The following FRYL variants were observed in gnomAD, a reference collection of about 807,000 sequenced individuals.
The protein encoded by FRYL is FRY like transcription coactivator.
In FRYL, 150 loss-of-function variants were observed where a neutral mutation model predicts 351.2. The observed-to-expected ratio is 0.43, with a 90% confidence interval of 0.37 to 0.49. The LOEUF is 0.49. FRYL is among the 20% of genes least tolerant of loss of function. The pLI, the probability that FRYL is intolerant of heterozygous loss-of-function variation, is 0.00. For missense variants in FRYL, 3,036 were observed against 3,619.3 expected, an observed-to-expected ratio of 0.84 and a Z score of 4.13; for synonymous variants, 1,153 against 1,257.1, an observed-to-expected ratio of 0.92 and a Z score of 1.75.
At position 48,556,971 on chromosome 4, in the gene FRYL, T is replaced by A. The variant is rs1734253165; in HGVS notation, c.4266+7A>T. 6.4e-7 allele frequency: 1 copy of A among 1,559,142 alleles called. No homozygotes were observed. The highest frequency in any genetic ancestry group is 8.7e-7 in the Non-Finnish European group (1 of 1,146,302). On this transcript the variant is annotated splice_region_variant and intron_variant, in intron 35 of 63. Transcript: ENST00000358350. Reference sequence around the variant, plus strand: ...TATTTTAAAATTAAATGAACTTGAATACATACGTAAGGCAAGAGGCTTGGT... The same window carrying A: ...TATTTTAAAATTAAATGAACTTGAAAACATACGTAAGGCAAGAGGCTTGGT...
intron 55 of FRYL, among the ~76,000 whole-genome samples, chr4:48,515,668 G>A (rs113676972): frequency 2.0e-5 from 3 of 152,046 alleles, no homozygotes; most frequent in African/African-American, 4.8e-5. Flanking sequence ...CACTGCACCC[G>A]GCCACTTTTA....
At chr4:48,614,721 C>CAA (rs1161734085) in intron 7 of FRYL, among the ~76,000 whole-genome samples, 20,534 of 47,116 alleles carry the variant, frequency 0.44, 7,991 homozygotes, top group Admixed American at 0.57. Context: ...GACTCCATCT[C>CAA]AAAAAAAAAA....
chr4:48,575,461 T>G (rs1488733073), intron 24 of FRYL, among the ~76,000 whole-genome samples: 3 of 152,182 alleles, frequency 2.0e-5, no homozygotes, highest in Non-Finnish European at 4.4e-5. Context: ...GGCTCCTAAT[T>G]TCTTACAGAC....
chr4:48,590,739 A>G lies in FRYL; in HGVS notation c.1427T>C (p.Ile476Thr), dbSNP rs1172238848. The G allele has an allele frequency of 6.2e-7, 1 of 1,613,480 alleles. No individual in the cohort carries two copies. The highest frequency in any genetic ancestry group is 1.1e-5 in the South Asian group (1 of 91,056). The change falls in exon 17 of 64, where the codon ATT becomes ACT. Residue 476 changes from isoleucine to threonine, a missense_variant. Physicochemically the swap from Ile to Thr is moderately conservative, Grantham distance 89. This residue lies in a region of FRYL where 457 missense variants were observed against 566.6 expected (regional missense o/e 0.81). Transcript: ENST00000358350. ...GEPPMPTTGVILPSGNTLRVK... is the reference protein window; with the variant it reads ...GEPPMPTTGVTLPSGNTLRVK... ...ACGAAGAGTATTTCCTGAGGGAAGA[A>G]TAACTCCTGTTGTTGGCATGGGTGG...
chr4:48,680,951 T>A, intron 3 of FRYL: 2 of 1,243,914 alleles, frequency 1.6e-6, no homozygotes, highest in Non-Finnish European at 2.1e-6. Flanking sequence ...TGTTCGTATT[T>A]GTCATAATTA....
chr4:48,512,043 T>C (rs1722594462), intron 57 of FRYL, among the ~76,000 whole-genome samples: 1 of 152,202 alleles, frequency 6.6e-6, no homozygotes, highest in South Asian at 2.1e-4. Flanking sequence ...ATCTTTATTA[T>C]TGGGGAGGAA....
intron 2 of FRYL, among the ~76,000 whole-genome samples, chr4:48,708,142 G>A (rs1767580621): frequency 6.6e-6 from 1 of 151,754 alleles, no homozygotes; most frequent in East Asian, 2.0e-4. Context: ...TAAGAGACAG[G>A]GTGGTAGGCA....
intron 19 of FRYL, among the ~76,000 whole-genome samples, chr4:48,582,938 T>A (rs1741234062): frequency 6.6e-6 from 1 of 152,252 alleles, no homozygotes; most frequent in Non-Finnish European, 1.5e-5. Context: ...CACATATGAA[T>A]CTATTCCCAT....
chr4:48,657,529 C>A (rs1199167143), intron 3 of FRYL, among the ~76,000 whole-genome samples: 2 of 152,088 alleles, frequency 1.3e-5, no homozygotes, highest in East Asian at 1.9e-4. Flanking sequence ...GAGCTTACTG[C>A]AAGATTGTCA....
chr4:48,585,656 T>C (rs1216986858), intron 19 of FRYL, among the ~76,000 whole-genome samples: 3 of 152,234 alleles, frequency 2.0e-5, no homozygotes, highest in Non-Finnish European at 4.4e-5. Context: ...TGGCTGCTTT[T>C]GTACTATAAT....
At chr4:48,531,873 T>C (rs919593092) in intron 49 of FRYL, among the ~76,000 whole-genome samples, 3 of 152,172 alleles carry the variant, frequency 2.0e-5, no homozygotes, top group Non-Finnish European at 4.4e-5. Context: ...GTAGATACCA[T>C]GCTAATGTGA....
At position 48,770,468 on chromosome 4, in the gene FRYL, G is replaced by A. The variant is rs563131978; in HGVS notation, c.-384+9610C>T. ...TTTTATTTTTTTGAGACAGAGTTTC[G>A]CTCTTGTTGCCCAGTTTGGAGTGCA... On this transcript the variant is annotated intron_variant, in intron 1 of 63. Coordinates refer to ENST00000358350, the MANE Select transcript of FRYL (RefSeq NM_015030.2). Among the ~76,000 whole-genome samples, 26 of 150,270 alleles carry A rather than the reference G, an allele frequency of 1.7e-4. No individual in the cohort carries two copies. In the South Asian group the frequency reaches 4.6e-3, roughly 27 times the overall value.
Position 48,554,593 on chromosome 4 carries a change from C to A in FRYL, c.4267-1210G>T, listed in dbSNP as rs184736546. On this transcript the variant is annotated intron_variant, in intron 35 of 63. Coordinates refer to ENST00000358350, the MANE Select transcript of FRYL (RefSeq NM_015030.2). ...ACCTCAGGTGATCCTCCTGCCTTGG[C>A]CTCCCAAAGTGCTGGGATTACAGGC... 2.7e-3 allele frequency among the ~76,000 whole-genome samples: 413 copies of A among 152,308 alleles called. 4 individuals carry two copies. Among genetic ancestry groups the A allele is most frequent in the Non-Finnish European group, 4.0e-3 (272 of 68,010 alleles).
At chr4:48,561,995 G>A (rs1735625411) in intron 32 of FRYL, among the ~76,000 whole-genome samples, 1 of 152,118 alleles carries the variant, frequency 6.6e-6, no homozygotes, top group South Asian at 2.1e-4. Flanking sequence ...TAGCCTGGGT[G>A]ACAGAGTGAG....
At chr4:48,697,539 G>GC (rs1359010780) in intron 2 of FRYL, among the ~76,000 whole-genome samples, 1 of 152,088 alleles carries the variant, frequency 6.6e-6, no homozygotes, top group African/African-American at 2.4e-5. Flanking sequence ...CCCCCAGGCT[G>GC]CGGTGTCTCA....
chr4:48,514,585 A>T (rs1221869751), intron 56 of FRYL, among the ~76,000 whole-genome samples: 4 of 152,254 alleles, frequency 2.6e-5, no homozygotes, highest in Non-Finnish European at 5.9e-5. Context: ...TGCTTCGCCT[A>T]TTATAGAAAT....
At chr4:48,697,599 T>C (rs976365568) in intron 2 of FRYL, among the ~76,000 whole-genome samples, 16 of 152,006 alleles carry the variant, frequency 1.1e-4, no homozygotes, top group African/African-American at 3.6e-4. Context: ...CCTGCCTCAG[T>C]CTCCTGAGTA....
chr4:48,687,326 TTTGACAACACTGAAGAGAAGAC>T, intron 2 of FRYL, among the ~76,000 whole-genome samples: 1 of 152,216 alleles, frequency 6.6e-6, no homozygotes, highest in Non-Finnish European at 1.5e-5. Flanking sequence ...TCAGTTGGTA[TTTGACAACACTGAAGAGAAGAC>T]TGTGAACAGC....
intron 61 of FRYL, among the ~76,000 whole-genome samples, chr4:48,502,340 A>T (rs1719881408): frequency 6.6e-6 from 1 of 152,146 alleles, no homozygotes. Context: ...CAGGAGTTTG[A>T]AACCAGCCTG....
Sources: allele counts gnomAD v4.1 joint callset (sites outside exome capture counted in the v4.1 genomes callset), GRCh38; gene constraint gnomAD v4.1.1; regional missense constraint gnomAD v4.1.1; transcripts MANE v1.5; gene names NCBI Gene and HGNC (gene_info 2026-07-23, HGNC 2026-07-21).